The following PTPRN2 variants were observed in gnomAD, a reference collection of about 807,000 sequenced individuals.
The protein encoded by PTPRN2 is receptor-type tyrosine-protein phosphatase N2.
In PTPRN2, 74 loss-of-function variants were observed where a neutral mutation model predicts 118.8. The ratio of observed to expected loss-of-function variants is 0.62; its 90% confidence interval spans 0.52 to 0.76. The LOEUF is 0.76. PTPRN2 is among the 30% of genes least tolerant of loss of function. PTPRN2 has a pLI of 0.00. For synonymous variants in PTPRN2, 641 were observed against 608.0 expected, an observed-to-expected ratio of 1.05 and a Z score of -0.80; for missense variants, 1,481 against 1,394.4, an observed-to-expected ratio of 1.06 and a Z score of -0.99.
At chr7:157,802,981 T>C (rs1310953264) in intron 12 of PTPRN2, among the ~76,000 whole-genome samples, 1 of 152,206 alleles carries the variant, frequency 6.6e-6, no homozygotes, top group African/African-American at 2.4e-5. Context: ...TATTACTTTT[T>C]GGAGATGGAG....
At chr7:157,639,085 G>A in intron 14 of PTPRN2, among the ~76,000 whole-genome samples, 1 of 150,766 alleles carries the variant, frequency 6.6e-6, no homozygotes, top group East Asian at 1.9e-4. Context: ...GGCCCATGCT[G>A]GAGTGCAGTG....
At chr7:157,745,554 C>T (rs1800877745) in intron 12 of PTPRN2, among the ~76,000 whole-genome samples, 1 of 152,054 alleles carries the variant, frequency 6.6e-6, no homozygotes, top group Admixed American at 6.5e-5. Flanking sequence ...CCTCTCTTCT[C>T]CCCTCCATTT....
chr7:158,161,514 G>C (rs1402760763), intron 6 of PTPRN2, among the ~76,000 whole-genome samples: 1 of 152,180 alleles, frequency 6.6e-6, no homozygotes, highest in Non-Finnish European at 1.5e-5. Flanking sequence ...AATGGTGCTG[G>C]ACAACTGGAT....
At chr7:158,441,943 GGTGGTGATA>G (rs1314197464) in intron 2 of PTPRN2, among the ~76,000 whole-genome samples, 2 of 116,150 alleles carry the variant, frequency 1.7e-5, no homozygotes, top group African/African-American at 3.1e-5. Flanking sequence ...TGGCAGTGGT[GGTGGTGATA>G]GTGATAGTGA....
intron 3 of PTPRN2, among the ~76,000 whole-genome samples, chr7:158,294,681 A>G (rs1800343452): frequency 6.6e-6 from 1 of 152,126 alleles, no homozygotes; most frequent in Admixed American, 6.5e-5. Flanking sequence ...GGGGAGAGTG[A>G]GAGGCAGGAA....
chr7:157,819,234 G>A (rs761145651), intron 12 of PTPRN2, among the ~76,000 whole-genome samples: 33 of 152,176 alleles, frequency 2.2e-4, no homozygotes, highest in Non-Finnish European at 4.4e-4. Flanking sequence ...CTCATTTGGC[G>A]CTGGGTCTTC....
chr7:158,104,378 T>C (rs1354824928), intron 10 of PTPRN2, among the ~76,000 whole-genome samples: 1 of 152,070 alleles, frequency 6.6e-6, no homozygotes, highest in Non-Finnish European at 1.5e-5. Flanking sequence ...AGAGCAAAGA[T>C]ACCGCTGTGA....
chr7:158,340,528 A>G (rs1457592254), intron 2 of PTPRN2, among the ~76,000 whole-genome samples: 8 of 126,810 alleles, frequency 6.3e-5, no homozygotes, highest in African/African-American at 1.7e-4. Flanking sequence ...CATTCTCACC[A>G]TAAGAGCTGT....
chr7:157,981,159 G>C lies in PTPRN2; in HGVS notation c.1724-82422C>G, dbSNP rs572509358. ...GGATAAACAGCCTTTTACCCTAAGA[G>C]TGACCTCAGAGTTTGCAAGAACCCA... On this transcript the variant is annotated intron_variant, in intron 11 of 22. Transcript: ENST00000389418. 3.5e-3 allele frequency among the ~76,000 whole-genome samples: 534 copies of C among 152,360 alleles called. 1 individual carries two copies. The highest frequency in any genetic ancestry group is 5.3e-3 in the Non-Finnish European group (359 of 68,036).
rs1394865727 is a variant in PTPRN2 at position 158,332,614 on chromosome 7, G to A, written c.164-15682C>T. On this transcript the variant is annotated intron_variant, in intron 2 of 22. Transcript: ENST00000389418. ...ACTCTCACCATAAGAAGTGACACCT[G>A]CAGATGTCACTCACACCCACACTGT... Among the ~76,000 whole-genome samples the A allele has an allele frequency of 2.7e-5, 4 of 150,038 alleles. No individual in the cohort carries two copies. The South Asian group carries it at 8.4e-4, about 31-fold the overall frequency.
In PTPRN2 at chr7:158,462,462, A is replaced by G. The variant is rs192673829; in HGVS notation, c.163+27273T>C. ...CGATACCGTACTTGCATTTGACAGA[A>G]AACACACAGAGTCCTAGAGATGATA... On this transcript the variant is annotated intron_variant, in intron 2 of 22. Transcript: ENST00000389418. Among the ~76,000 whole-genome samples, 25 of 152,326 alleles carry G rather than the reference A, an allele frequency of 1.6e-4. No homozygotes were observed. The East Asian group carries it at 1.9e-3, about 12-fold the overall frequency.
At chr7:158,345,436 A>G (rs1476873510) in intron 2 of PTPRN2, among the ~76,000 whole-genome samples, 2 of 152,112 alleles carry the variant, frequency 1.3e-5, no homozygotes, top group Non-Finnish European at 2.9e-5. Context: ...GCTCAGGAGG[A>G]CTTGTATTTT....
chr7:158,144,251 C>T (rs1039169956), intron 6 of PTPRN2, among the ~76,000 whole-genome samples: 1 of 151,064 alleles, frequency 6.6e-6, no homozygotes, highest in African/African-American at 2.5e-5. Flanking sequence ...TTTTCTGAGC[C>T]CCCCAAGGTT....
chr7:157,752,494 G>A (rs571871642), intron 12 of PTPRN2, among the ~76,000 whole-genome samples: 1 of 152,328 alleles, frequency 6.6e-6, no homozygotes, highest in Admixed American at 6.5e-5. Context: ...GCGCGGTGTG[G>A]CTGTCGCCCT....
intron 3 of PTPRN2, among the ~76,000 whole-genome samples, chr7:158,226,145 A>G (rs1828756414): frequency 6.6e-6 from 1 of 152,216 alleles, no homozygotes; most frequent in Non-Finnish European, 1.5e-5. Flanking sequence ...AGTCCTTCCT[A>G]TTTTAATCCT....
At chr7:158,329,914 G>C (rs115224630) in intron 2 of PTPRN2, among the ~76,000 whole-genome samples, 5,793 of 152,054 alleles carry the variant, frequency 0.038, 411 homozygotes, top group African/African-American at 0.13. Flanking sequence ...TGGAGTGACT[G>C]GCAGAGTGTC....
At chr7:157,759,971 G>A (rs1017796527) in intron 12 of PTPRN2, among the ~76,000 whole-genome samples, 13 of 152,222 alleles carry the variant, frequency 8.5e-5, no homozygotes, top group Admixed American at 4.6e-4. Flanking sequence ...GAGACCGGGC[G>A]GGCAAAGTGG....
chr7:158,201,445 A>G (rs1826642405), intron 4 of PTPRN2, among the ~76,000 whole-genome samples: 1 of 152,182 alleles, frequency 6.6e-6, no homozygotes, highest in Non-Finnish European at 1.5e-5. Flanking sequence ...AAAGGGAAAA[A>G]ATCAAAATAT....
intron 2 of PTPRN2, among the ~76,000 whole-genome samples, chr7:158,459,057 G>A (rs531289252): frequency 3.3e-5 from 5 of 152,174 alleles, no homozygotes; most frequent in Admixed American, 1.3e-4. Context: ...GGGTGACACC[G>A]GAGCCTTGGT....
Sources: gnomAD v4.1 joint callset for allele counts (sites outside exome capture counted in the v4.1 genomes callset) on GRCh38, gnomAD v4.1.1 for gene constraint, MANE v1.5 for transcripts, NCBI Gene and HGNC (gene_info 2026-07-23, HGNC 2026-07-21) for gene names.